Variants in AKAP19 observed in about 807,000 individuals in gnomAD.
The protein encoded by AKAP19 is A-kinase anchoring protein 19, also known as small A-kinase anchoring protein.
the AKAP19 span, among the ~76,000 whole-genome samples, chr2:190,036,471 C>G: frequency 6.6e-6 from 1 of 152,110 alleles, no homozygotes; most frequent in African/African-American, 2.4e-5. Context: ...AAAATAGATT[C>G]TTTTTAAATT....
the AKAP19 span, among the ~76,000 whole-genome samples, chr2:190,145,993 ATTTTTATTTTTAT>A: frequency 6.8e-6 from 1 of 147,252 alleles, no homozygotes; most frequent in South Asian, 2.1e-4. Context: ...TTTTTTTTAC[ATTTTTATTTTTAT>A]TTTTTATTTT....
At chr2:189,888,602 C>T in the AKAP19 span, among the ~76,000 whole-genome samples, 4 of 152,068 alleles carry the variant, frequency 2.6e-5, no homozygotes, top group East Asian at 7.7e-4. Flanking sequence ...TTGTTTGTGT[C>T]CTCTCTTATT....
chr2:190,005,856 T>A, the AKAP19 span, among the ~76,000 whole-genome samples: 2 of 152,240 alleles, frequency 1.3e-5, no homozygotes, highest in African/African-American at 2.4e-5. Flanking sequence ...TCTTTTAGCT[T>A]TAAATACCAA....
the AKAP19 span, among the ~76,000 whole-genome samples, chr2:189,901,943 G>A: frequency 6.6e-6 from 1 of 152,064 alleles, no homozygotes; most frequent in African/African-American, 2.4e-5. Flanking sequence ...TCATTAAAAT[G>A]TAAATATGAA....
chr2:190,094,952 C>T, the AKAP19 span, among the ~76,000 whole-genome samples: 2 of 152,198 alleles, frequency 1.3e-5, no homozygotes, highest in Admixed American at 6.5e-5. Context: ...AGGCCGGGCG[C>T]GGTGGCTCAC....
At chr2:190,098,252 A>G in the AKAP19 span, among the ~76,000 whole-genome samples, 2 of 152,186 alleles carry the variant, frequency 1.3e-5, no homozygotes, top group Non-Finnish European at 2.9e-5. Context: ...AGTAGACTTG[A>G]AAGCCAAAAT....
At chr2:189,959,545 C>A in the AKAP19 span, among the ~76,000 whole-genome samples, 1 of 152,098 alleles carries the variant, frequency 6.6e-6, no homozygotes, top group African/African-American at 2.4e-5. Flanking sequence ...TTGCCATTCC[C>A]AAATACTGAT....
the AKAP19 span, among the ~76,000 whole-genome samples, chr2:190,159,445 A>T: frequency 3.9e-5 from 6 of 152,138 alleles, no homozygotes; most frequent in Non-Finnish European, 8.8e-5. Flanking sequence ...TTCAGACTCA[A>T]TTTCTGGGGA....
At chr2:190,070,073 A>G in the AKAP19 span, among the ~76,000 whole-genome samples, 1 of 152,206 alleles carries the variant, frequency 6.6e-6, no homozygotes, top group South Asian at 2.1e-4. Context: ...TAAAATGAAC[A>G]AATTAGGTCA....
chr2:190,004,888 A>C, the AKAP19 span, among the ~76,000 whole-genome samples: 1 of 152,212 alleles, frequency 6.6e-6, no homozygotes, highest in East Asian at 1.9e-4. Flanking sequence ...TAAAAGTATT[A>C]GGCATACCAC....
At chr2:190,103,082 A>G in the AKAP19 span, among the ~76,000 whole-genome samples, 2 of 152,268 alleles carry the variant, frequency 1.3e-5, no homozygotes, top group African/African-American at 2.4e-5. Flanking sequence ...AGAATTAAAA[A>G]CAAAAGCATT....
the AKAP19 span, among the ~76,000 whole-genome samples, chr2:190,148,011 C>T: frequency 6.6e-6 from 1 of 152,096 alleles, no homozygotes; most frequent in Non-Finnish European, 1.5e-5. Context: ...TTTCTCTTGT[C>T]TGATTGCTCT....
the AKAP19 span, among the ~76,000 whole-genome samples, chr2:190,109,161 A>G: frequency 6.6e-6 from 1 of 152,248 alleles, no homozygotes; most frequent in African/African-American, 2.4e-5. Context: ...TATAATTCCA[A>G]CTCTAGGCAA....
the AKAP19 span, among the ~76,000 whole-genome samples, chr2:189,890,749 T>A: frequency 6.6e-6 from 1 of 152,216 alleles, no homozygotes; most frequent in Non-Finnish European, 1.5e-5. Flanking sequence ...AACCCCTGCC[T>A]TTTTTGCTTT....
the AKAP19 span, among the ~76,000 whole-genome samples, chr2:190,109,847 A>G: frequency 3.3e-5 from 5 of 152,176 alleles, no homozygotes; most frequent in Admixed American, 6.5e-5. Context: ...ACATCAGAAA[A>G]TCTGGTTCAC....
chr2:190,055,487 T>TA, the AKAP19 span, among the ~76,000 whole-genome samples: 136 of 151,546 alleles, frequency 9.0e-4, 1 homozygote, highest in Middle Eastern at 3.4e-3. Flanking sequence ...AATAAAAAAA[T>TA]AAAAAAAAGA....
At chr2:190,097,698 T>A in the AKAP19 span, among the ~76,000 whole-genome samples, 1 of 151,706 alleles carries the variant, frequency 6.6e-6, no homozygotes, top group African/African-American at 2.4e-5. Flanking sequence ...AGGTTCTATC[T>A]CAAGAAACCA....
the AKAP19 span, among the ~76,000 whole-genome samples, chr2:190,106,468 T>C: frequency 9.8e-5 from 15 of 152,298 alleles, no homozygotes; most frequent in African/African-American, 1.4e-4. Flanking sequence ...GCTTGTCCAC[T>C]GTTCGTTTGC....
the AKAP19 span, among the ~76,000 whole-genome samples, chr2:190,072,598 T>G: frequency 6.6e-6 from 1 of 152,162 alleles, no homozygotes; most frequent in Non-Finnish European, 1.5e-5. Flanking sequence ...CCATGAAACA[T>G]TTACTAAATT....
Sources: allele counts gnomAD v4.1 joint callset (sites outside exome capture counted in the v4.1 genomes callset), GRCh38; gene constraint gnomAD v4.1.1; transcripts MANE v1.5; gene names NCBI Gene and HGNC (gene_info 2026-07-23, HGNC 2026-07-21).